The following ANO1 variants were observed in gnomAD, a reference collection of about 807,000 sequenced individuals.
ANO1 encodes anoctamin-1.
A neutral mutation model predicts 124.0 loss-of-function variants in ANO1; 59 were observed. The observed-to-expected ratio is 0.48, with a 90% confidence interval of 0.39 to 0.59. ANO1 has a LOEUF of 0.59. Ranked by LOEUF, ANO1 falls within the 20% of genes least tolerant of loss-of-function variation. The probability of loss-of-function intolerance (pLI) is 0.00; values close to 1 mark genes in which losing one functional copy is unlikely to be tolerated. For synonymous variants in ANO1, 529 were observed against 532.0 expected, an observed-to-expected ratio of 0.99 and a Z score of 0.08; for missense variants, 1,059 against 1,328.0, an observed-to-expected ratio of 0.80 and a Z score of 3.15.
rs752293222 is a variant in ANO1, at chr11:70,137,966, G to A, written c.1258+5887G>A. 2.0e-5 allele frequency among the ~76,000 whole-genome samples: 3 copies of A among 147,798 alleles called. No individual in the cohort carries two copies. In the East Asian group the frequency reaches 6.1e-4, roughly 30 times the overall value. On this transcript the variant is annotated intron_variant, in intron 11 of 25. Transcript: ENST00000355303. Reference sequence around the variant, plus strand: ...TGAAATTTTGAAAACGTAGCCTTGGGTCCTAGGAGATTGAGCTTAAACCTA... The same window carrying A: ...TGAAATTTTGAAAACGTAGCCTTGGATCCTAGGAGATTGAGCTTAAACCTA...
chr11:70,001,073 A>G (rs1022577436), intron 1 of ANO1, among the ~76,000 whole-genome samples: 1 of 152,222 alleles, frequency 6.6e-6, no homozygotes, highest in African/African-American at 2.4e-5. Context: ...ATCCCTGCAC[A>G]AGGGTAAAAG....
rs370777900 is a variant in ANO1 at position 70,104,042 on chromosome 11, A to G, written c.584A>G (p.Asn195Ser). The change falls in exon 4 of 26, where the codon AAC becomes AGC. Residue 195 changes from asparagine to serine, a missense_variant. Asn to Ser is a conservative substitution (Grantham distance 46). Around this residue, in one of 2 missense-constraint regions of ANO1, gnomAD observed 809 missense variants for 1,094.9 expected, o/e 0.74. Transcript: ENST00000355303. ...ACCCGTGGCCTCCTGAAAAAAATCA[A>G]CTCTGTGCTCCAGAAAATCACAGAT... ...NETRGLLKKINSVLQKITDPI... is the reference protein window; with the variant it reads ...NETRGLLKKISSVLQKITDPI... 1 of 1,612,334 alleles carries G rather than the reference A, an allele frequency of 6.2e-7. No homozygotes were observed. Among genetic ancestry groups the G allele is most frequent in the Non-Finnish European group, 8.5e-7 (1 of 1,179,332 alleles).
intron 1 of ANO1, among the ~76,000 whole-genome samples, chr11:70,023,236 G>A (rs1856837316): frequency 6.6e-6 from 1 of 152,234 alleles, no homozygotes; most frequent in African/African-American, 2.4e-5. Context: ...GCATGCCATG[G>A]CTCTGAGGCT....
the ANO1 span, among the ~76,000 whole-genome samples, chr11:69,973,438 A>C: frequency 6.6e-6 from 1 of 151,932 alleles, no homozygotes; most frequent in East Asian, 1.9e-4. Context: ...TTTTCTAAAT[A>C]TTTTCCACTG....
chr11:70,127,923 C>A (rs879489613), intron 10 of ANO1, among the ~76,000 whole-genome samples: 1 of 152,234 alleles, frequency 6.6e-6, no homozygotes, highest in Admixed American at 6.5e-5. Flanking sequence ...CCCTGCCCTG[C>A]AAGGGCTCCA....
intron 8 of ANO1, among the ~76,000 whole-genome samples, chr11:70,120,928 G>C (rs1031655445): frequency 5.9e-5 from 9 of 152,140 alleles, no homozygotes; most frequent in African/African-American, 2.2e-4. Context: ...TGCTCACCGG[G>C]GCTAAGGTGC....
Position 70,087,909 on chromosome 11 carries a change from C to A in ANO1, c.266C>A (p.Pro89His), listed in dbSNP as rs764383765. 13 of 1,610,330 alleles carry A rather than the reference C, an allele frequency of 8.1e-6. No homozygotes were observed. In the South Asian group the frequency reaches 1.2e-4, roughly 15 times the overall value. Reference sequence around the variant, plus strand: ...AGGAGGGTGCAGCACAGCGACACCCCCTCTGGGGCTCGCAGCGTCAAGCAG... The same window carrying A: ...AGGAGGGTGCAGCACAGCGACACCCACTCTGGGGCTCGCAGCGTCAAGCAG... ...LVRRVQHSDT[P>H]SGARSVKQDH... The change falls in exon 2 of 26, where the codon CCC becomes CAC. Residue 89 changes from proline to histidine, a missense_variant. Transcript: ENST00000355303.
intron 1 of ANO1, among the ~76,000 whole-genome samples, chr11:69,988,490 T>C (rs1856091107): frequency 6.6e-6 from 1 of 152,206 alleles, no homozygotes; most frequent in African/African-American, 2.4e-5. Flanking sequence ...GAGTGAGGAT[T>C]ATCATCATTG....
chr11:70,081,789 T>C (rs1299129743), intron 1 of ANO1, among the ~76,000 whole-genome samples: 1 of 152,222 alleles, frequency 6.6e-6, no homozygotes, highest in Non-Finnish European at 1.5e-5. Context: ...GAGGCAGGTG[T>C]GGACCAGATA....
At chr11:70,007,538 C>G (rs782536008) in intron 1 of ANO1, among the ~76,000 whole-genome samples, 8 of 152,190 alleles carry the variant, frequency 5.3e-5, no homozygotes, top group Non-Finnish European at 1.2e-4. Context: ...TCTTGGCCTC[C>G]CAAAGTGCTG....
intron 1 of ANO1, among the ~76,000 whole-genome samples, chr11:70,002,461 C>CAAAA (rs56246522): frequency 5.3e-5 from 5 of 94,958 alleles, no homozygotes; most frequent in Non-Finnish European, 4.1e-5. Flanking sequence ...GAGACTCCAC[C>CAAAA]AAAAAAAAAA....
At chr11:70,157,770 T>C (rs2047876839) in intron 16 of ANO1, among the ~76,000 whole-genome samples, 1 of 152,132 alleles carries the variant, frequency 6.6e-6, no homozygotes, top group Non-Finnish European at 1.5e-5. Context: ...GGCAGGAAGA[T>C]TGCTTGAGCT....
At chr11:70,020,713 G>A (rs72937676) in intron 1 of ANO1, among the ~76,000 whole-genome samples, 13,814 of 152,252 alleles carry the variant, frequency 0.091, 752 homozygotes, top group Non-Finnish European at 0.12. Context: ...GTTCCCCAGA[G>A]GGGGACAGAG....
At position 69,989,105 on chromosome 11, in the gene ANO1, T is replaced by C. The variant is rs1262792691; in HGVS notation, c.58+2939T>C. Among the ~76,000 whole-genome samples the C allele has an allele frequency of 2.6e-5, 4 of 152,180 alleles. No individual in the cohort carries two copies. The East Asian group carries it at 7.7e-4, about 29-fold the overall frequency. The stretch of plus-strand genomic sequence containing the variant: ...GGAAGCCCTGGTACCTGCATCATCA[T>C]GTACAATCCCCACTCACTGTATGAG... On this transcript the variant is annotated intron_variant, in intron 1 of 27. Transcript: ENST00000531349.
chr11:70,071,819 C>A (rs1555009342), intron 1 of ANO1, among the ~76,000 whole-genome samples: 1 of 151,308 alleles, frequency 6.6e-6, no homozygotes, highest in African/African-American at 2.4e-5. Context: ...GAAATGGGAT[C>A]TGACTGTGTT....
chr11:70,005,826 G>A (rs1359059448), intron 1 of ANO1, among the ~76,000 whole-genome samples: 1 of 152,176 alleles, frequency 6.6e-6, no homozygotes. Flanking sequence ...AAGAGCAGAC[G>A]TCTGTCCTGT....
chr11:70,069,582 C>G (rs897290871), intron 1 of ANO1, among the ~76,000 whole-genome samples: 10 of 152,078 alleles, frequency 6.6e-5, no homozygotes, highest in Non-Finnish European at 2.9e-5. Flanking sequence ...CAGACGTAAT[C>G]GTTCATGTTT....
At chr11:69,985,752 A>AGCCGCTGCTCCTCTGCAGCGTCCCGC (rs1554996794), upstream of ANO1, 2 of 152,312 alleles carry the variant, frequency 1.3e-5, no homozygotes, top group African/African-American at 4.8e-5. Context: ...CCTGGGGACC[A>AGCCGCTGCTCCTCTGCAGCGTCCCGC]GCCGCTGCTC....
chr11:69,981,197 G>A (rs1274922613), upstream of ANO1, among the ~76,000 whole-genome samples: 3 of 152,186 alleles, frequency 2.0e-5, no homozygotes, highest in African/African-American at 4.8e-5. Context: ...TTTGGGAAAC[G>A]CTGTGTTTCT....
Sources: allele counts gnomAD v4.1 joint callset (sites outside exome capture counted in the v4.1 genomes callset), GRCh38; gene constraint gnomAD v4.1.1; regional missense constraint gnomAD v4.1.1; transcripts MANE v1.5; gene names NCBI Gene and HGNC (gene_info 2026-07-23, HGNC 2026-07-21).